Variants in CA5A observed in about 807,000 individuals in gnomAD.
The protein encoded by CA5A is carbonic anhydrase 5A.
A neutral mutation model predicts 37.1 loss-of-function variants in CA5A; 28 were observed. That is an observed-to-expected ratio of 0.75 (90% CI 0.56 to 1.03). The LOEUF (loss-of-function observed/expected upper bound fraction) is 1.03. Among genes scored for constraint, CA5A ranks in the 50% least tolerant of loss-of-function variants. The probability of loss-of-function intolerance (pLI) is 0.00; values close to 1 mark genes in which losing one functional copy is unlikely to be tolerated. For synonymous variants in CA5A, 171 were observed against 158.4 expected (o/e 1.08, Z -0.60); for missense variants, 444 against 399.9 (o/e 1.11, Z -0.94).
chr16:87,916,769 C>T (rs60198131), intron 2 of CA5A, among the ~76,000 whole-genome samples: 7 of 152,236 alleles, frequency 4.6e-5, no homozygotes, highest in East Asian at 1.9e-4. Flanking sequence ...ACAGGGGTCG[C>T]GGTGCACCTG....
At chr16:87,930,902 G>A (rs1293197095) in intron 1 of CA5A, among the ~76,000 whole-genome samples, 1 of 151,908 alleles carries the variant, frequency 6.6e-6, no homozygotes, top group African/African-American at 2.4e-5. Flanking sequence ...CACCACGCCT[G>A]GGGAATTTTT....
chr16:87,917,280 C>G (rs2056159492), intron 2 of CA5A, among the ~76,000 whole-genome samples: 1 of 152,232 alleles, frequency 6.6e-6, no homozygotes, highest in South Asian at 2.1e-4. Flanking sequence ...CCAATCAGAG[C>G]CTCTTCCTCA....
At chr16:87,900,793 A>G (rs1307414660) in intron 5 of CA5A, among the ~76,000 whole-genome samples, 3 of 152,268 alleles carry the variant, frequency 2.0e-5, no homozygotes, top group Non-Finnish European at 2.9e-5. Flanking sequence ...TGGGTGGTAC[A>G]TGAGTCAACA....
In CA5A at chr16:87,902,458, C is replaced by G. The variant is rs770135651; in HGVS notation, c.522G>C (p.Glu174Asp). 1 of 1,612,714 alleles carries G rather than the reference C, an allele frequency of 6.2e-7. No individual in the cohort carries two copies. The highest frequency in any genetic ancestry group is 8.5e-7 in the Non-Finnish European group (1 of 1,178,726). Residue 174 changes from glutamate (E) to aspartate (D), a missense_variant, in exon 4 of 7, where the codon GAG (glutamate) becomes GAC (aspartate). Coordinates refer to ENST00000649794, the MANE Select transcript of CA5A (RefSeq NM_001739.2). ...ACACGCCTATCACAGCCAAACCATT[C>G]TCTCCCACGACAGCTTCCTTGTAAT... ...YQNYKEAVVG[E>D]NGLAVIGVFL... is the part of the protein sequence containing the mutation.
At chr16:87,893,125 C>CTTTCTTT (rs2055748539) in intron 5 of CA5A, 6 of 523,160 alleles carry the variant, frequency 1.1e-5, no homozygotes, top group African/African-American at 6.1e-5. Context: ...TTTCTTTCTT[C>CTTTCTTT]CTTTCTTTCT....
chr16:87,915,906 C>A (rs924185075), intron 2 of CA5A, among the ~76,000 whole-genome samples: 2 of 151,860 alleles, frequency 1.3e-5, no homozygotes, highest in African/African-American at 2.4e-5. Context: ...TAAAGCCATA[C>A]CCGAGACTGG....
intron 2 of CA5A, among the ~76,000 whole-genome samples, chr16:87,913,872 C>T (rs1017782798): frequency 1.3e-5 from 2 of 152,142 alleles, no homozygotes; most frequent in African/African-American, 4.8e-5. Context: ...GTGTAGTGGC[C>T]CAAGGGGGGT....
chr16:87,915,078 T>C (rs558562441), intron 2 of CA5A, among the ~76,000 whole-genome samples: 5 of 152,192 alleles, frequency 3.3e-5, no homozygotes, highest in Non-Finnish European at 7.4e-5. Context: ...TCCACACAAC[T>C]GCCCCAGGAG....
At chr16:87,913,965 C>A (rs541668692) in intron 2 of CA5A, among the ~76,000 whole-genome samples, 19 of 152,322 alleles carry the variant, frequency 1.2e-4, no homozygotes, top group African/African-American at 3.8e-4. Flanking sequence ...GCGTGGGGAG[C>A]GGCGGCAGCG....
intron 2 of CA5A, among the ~76,000 whole-genome samples, chr16:87,908,618 C>T (rs1419418208): frequency 6.6e-6 from 1 of 152,164 alleles, no homozygotes; most frequent in African/African-American, 2.4e-5. Flanking sequence ...TGTGGCCAAC[C>T]AACAAGGGCC....
At chr16:87,906,093 A>G (rs2055956724) in intron 2 of CA5A, among the ~76,000 whole-genome samples, 1 of 152,170 alleles carries the variant, frequency 6.6e-6, no homozygotes, top group African/African-American at 2.4e-5. Flanking sequence ...CAAATGGGGT[A>G]CCCGTTCCAC....
At chr16:87,896,102 C>T (rs911074715) in intron 5 of CA5A, among the ~76,000 whole-genome samples, 1 of 152,238 alleles carries the variant, frequency 6.6e-6, no homozygotes, top group Non-Finnish European at 1.5e-5. Context: ...ATCTTCAGAA[C>T]AACCCTTTGA....
Position 87,910,001 on chromosome 16 carries a change from C to T in CA5A, c.341-5097G>A, listed in dbSNP as rs570852166. ...TAAAGTGCGGATGATCCTTGAACCC[C>T]CACCATAGGACTGCTGTTACGGTTA... On this transcript the variant is annotated intron_variant, in intron 2 of 6. Coordinates refer to ENST00000649794, the MANE Select transcript of CA5A (RefSeq NM_001739.2). 2.1e-3 allele frequency among the ~76,000 whole-genome samples: 327 copies of T among 152,282 alleles called. 1 individual carries two copies. The highest frequency in any genetic ancestry group is 3.2e-3 in the Non-Finnish European group (216 of 68,032).
rs552723992 is a variant in CA5A, at chr16:87,891,220, C to T, written c.774+579G>A. On this transcript the variant is annotated intron_variant, in intron 6 of 6. Transcript: ENST00000649794. Reference sequence around the variant, plus strand: ...CGGTGGCTTATGCCTGGAATCCCAGCGCTTTGGGAGGCCAAGGTGGGCAGA... The same window carrying T: ...CGGTGGCTTATGCCTGGAATCCCAGTGCTTTGGGAGGCCAAGGTGGGCAGA... Among the ~76,000 whole-genome samples the T allele has an allele frequency of 7.2e-4, 108 of 150,942 alleles. No individual in the cohort carries two copies. The South Asian group carries it at 9.2e-3, about 13-fold the overall frequency.
intron 1 of CA5A, among the ~76,000 whole-genome samples, chr16:87,930,645 C>T (rs1028633764): frequency 6.6e-6 from 1 of 151,622 alleles, no homozygotes; most frequent in Non-Finnish European, 1.5e-5. Context: ...GGGACTGCGG[C>T]GTGGGGACAG....
At chr16:87,930,479 G>C (rs2056386635) in intron 1 of CA5A, among the ~76,000 whole-genome samples, 1 of 152,140 alleles carries the variant, frequency 6.6e-6, no homozygotes, top group Non-Finnish European at 1.5e-5. Context: ...CCCTTCCCCA[G>C]TGGAACCTGA....
At chr16:87,888,326 C>G (rs1429579936) in intron 6 of CA5A, 54 bp from the exon 7 acceptor site, 2 of 1,532,486 alleles carry the variant, frequency 1.3e-6, no homozygotes, top group African/African-American at 2.7e-5. Context: ...GTGAGCCAGC[C>G]TCTGGGTGTC....
chr16:87,910,143 A>T (rs539722894), intron 2 of CA5A, among the ~76,000 whole-genome samples: 15 of 152,364 alleles, frequency 9.8e-5, no homozygotes, highest in African/African-American at 3.4e-4. Flanking sequence ...TCATGGGGTG[A>T]AACAGCTGAT....
chr16:87,923,868 T>G, intron 2 of CA5A: 1 of 984,376 alleles, frequency 1.0e-6, no homozygotes, highest in Non-Finnish European at 1.2e-6. Context: ...TCAAAATTAC[T>G]AATACATTCA....
Sources: allele counts gnomAD v4.1 joint callset (sites outside exome capture counted in the v4.1 genomes callset), GRCh38; gene constraint gnomAD v4.1.1; transcripts MANE v1.5; gene names NCBI Gene and HGNC (gene_info 2026-07-23, HGNC 2026-07-21).